Variants in SEMA6D observed in about 807,000 individuals in gnomAD.
SEMA6D encodes semaphorin-6D.
In SEMA6D, 35 loss-of-function variants were observed where a neutral mutation model predicts 106.6. That is an observed-to-expected ratio of 0.33 (90% CI 0.25 to 0.44). The LOEUF (loss-of-function observed/expected upper bound fraction) is 0.44, where lower values mean the gene tolerates loss of function less well. Among genes scored for constraint, SEMA6D ranks in the 20% least tolerant of loss-of-function variants. The probability of loss-of-function intolerance (pLI) is 1.00; values close to 1 mark genes in which losing one functional copy is unlikely to be tolerated. For missense variants in SEMA6D, 1,185 were observed against 1,345.9 expected, an observed-to-expected ratio of 0.88 and a Z score of 1.87; for synonymous variants, 499 against 487.7, an observed-to-expected ratio of 1.02 and a Z score of -0.31.
chr15:47,666,602 A>T (rs2145297972), intron 4 of SEMA6D, among the ~76,000 whole-genome samples: 1 of 152,276 alleles, frequency 6.6e-6, no homozygotes, highest in Admixed American at 6.5e-5. Flanking sequence ...TATACCACTA[A>T]GTGGGTACAC....
At chr15:47,432,034 G>T (rs1245008171) in intron 2 of SEMA6D, among the ~76,000 whole-genome samples, 1 of 152,026 alleles carries the variant, frequency 6.6e-6, no homozygotes, top group African/African-American at 2.4e-5. Flanking sequence ...CTGGGCTGGG[G>T]TGATGTTCCA....
At chr15:47,659,471 T>TA (rs560281934) in intron 4 of SEMA6D, among the ~76,000 whole-genome samples, 3 of 151,758 alleles carry the variant, frequency 2.0e-5, no homozygotes, top group African/African-American at 4.8e-5. Context: ...AATCAAATGT[T>TA]AAAAAAAATT....
In SEMA6D at chr15:47,271,340, G is replaced by A. The variant is rs537113502; in HGVS notation, c.-239+86922G>A. 9.2e-5 allele frequency among the ~76,000 whole-genome samples: 14 copies of A among 152,286 alleles called. No homozygotes were observed. In the South Asian group the frequency reaches 1.5e-3, roughly 16 times the overall value. ...TCCACAAGTCTTATGAGAGCCGTGC[G>A]GAAGGACAGGGCTGGGTCTTACCTG... On this transcript the variant is annotated intron_variant, in intron 1 of 19. Coordinates refer to the SEMA6D transcript ENST00000558014.
intron 2 of SEMA6D, among the ~76,000 whole-genome samples, chr15:47,438,773 T>C (rs2041798188): frequency 6.6e-6 from 1 of 151,856 alleles, no homozygotes; most frequent in Non-Finnish European, 1.5e-5. Context: ...AATTTTCTCC[T>C]TCATTTTATT....
chr15:47,759,334 T>G (rs2081941722), intron 1 of SEMA6D, among the ~76,000 whole-genome samples: 2 of 152,126 alleles, frequency 1.3e-5, no homozygotes, highest in Non-Finnish European at 2.9e-5. Flanking sequence ...TTGAGCGTTT[T>G]ATGCGGGGCA....
intron 1 of SEMA6D, among the ~76,000 whole-genome samples, chr15:47,358,195 C>G (rs374963443): frequency 3.0e-4 from 45 of 151,964 alleles, no homozygotes; most frequent in Non-Finnish European, 8.8e-5. Context: ...GAATGGTGGC[C>G]CCCTCAAGTC....
intron 3 of SEMA6D, among the ~76,000 whole-genome samples, chr15:47,551,115 T>C (rs1463634672): frequency 6.6e-6 from 1 of 152,184 alleles, no homozygotes; most frequent in East Asian, 1.9e-4. Flanking sequence ...CATCTTTTGA[T>C]TGCATTGATT....
intron 4 of SEMA6D, among the ~76,000 whole-genome samples, chr15:47,694,765 C>T (rs2078663981): frequency 2.0e-5 from 3 of 152,128 alleles, no homozygotes; most frequent in African/African-American, 4.8e-5. Context: ...CAGCAGGGCA[C>T]GGAAAGAATA....
At chr15:47,260,788 T>C (rs949629865) in intron 1 of SEMA6D, among the ~76,000 whole-genome samples, 2 of 152,154 alleles carry the variant, frequency 1.3e-5, no homozygotes, top group Non-Finnish European at 2.9e-5. Flanking sequence ...AATAGTGCTT[T>C]CCTTGGACAC....
intron 3 of SEMA6D, among the ~76,000 whole-genome samples, chr15:47,501,906 A>G (rs1474362293): frequency 6.6e-6 from 1 of 150,960 alleles, no homozygotes; most frequent in Non-Finnish European, 1.5e-5. Flanking sequence ...TTACATCATT[A>G]TTTCTCCAGC....
chr15:47,492,025 G>A (rs527472756), intron 3 of SEMA6D, among the ~76,000 whole-genome samples: 1 of 152,266 alleles, frequency 6.6e-6, no homozygotes, highest in African/African-American at 2.4e-5. Flanking sequence ...AGATCCTGCT[G>A]TGAAATTCAA....
At chr15:47,362,074 T>C (rs2038831897) in intron 1 of SEMA6D, among the ~76,000 whole-genome samples, 2 of 152,174 alleles carry the variant, frequency 1.3e-5, no homozygotes, top group South Asian at 4.1e-4. Flanking sequence ...CTTCTCTAAA[T>C]TATTGAAAGT....
At chr15:47,235,320 T>C (rs149416912) in intron 1 of SEMA6D, among the ~76,000 whole-genome samples, 32 of 152,016 alleles carry the variant, frequency 2.1e-4, no homozygotes, top group African/African-American at 7.5e-4. Context: ...TTTTTTATTA[T>C]GTAGCTTTTT....
intron 1 of SEMA6D, among the ~76,000 whole-genome samples, chr15:47,377,173 G>T (rs1356892037): frequency 1.3e-5 from 2 of 152,140 alleles, no homozygotes; most frequent in Admixed American, 1.3e-4. Context: ...TAAAATCTAT[G>T]CAGGATGATA....
At chr15:47,469,300 G>GTA (rs2042759959) in intron 2 of SEMA6D, among the ~76,000 whole-genome samples, 1 of 29,348 alleles carries the variant, frequency 3.4e-5, no homozygotes, top group African/African-American at 4.5e-4. Context: ...TTGCTTTAAG[G>GTA]TGTGTGTGTG....
chr15:47,631,592 G>A (rs1448809032), intron 4 of SEMA6D, among the ~76,000 whole-genome samples: 1 of 151,682 alleles, frequency 6.6e-6, no homozygotes, highest in Middle Eastern at 3.2e-3. Context: ...ATAGGAAGGA[G>A]GGGGAAGATT....
At chr15:47,530,168 A>C (rs1271976136) in intron 3 of SEMA6D, among the ~76,000 whole-genome samples, 1 of 152,254 alleles carries the variant, frequency 6.6e-6, no homozygotes, top group Non-Finnish European at 1.5e-5. Flanking sequence ...ATGGCAGAAC[A>C]GGAGAAGCTA....
At chr15:47,409,132 G>T (rs961339393) in intron 1 of SEMA6D, among the ~76,000 whole-genome samples, 1 of 152,200 alleles carries the variant, frequency 6.6e-6, no homozygotes, top group Admixed American at 6.5e-5. Flanking sequence ...ACACCTCAGA[G>T]CACTTTTGCA....
At chr15:47,615,046 G>T (rs1218639087) in intron 4 of SEMA6D, among the ~76,000 whole-genome samples, 1 of 152,164 alleles carries the variant, frequency 6.6e-6, no homozygotes, top group Non-Finnish European at 1.5e-5. Flanking sequence ...AGCCTGAAAT[G>T]ATTGGAACTC....
Sources: allele counts gnomAD v4.1 joint callset (sites outside exome capture counted in the v4.1 genomes callset), GRCh38; gene constraint gnomAD v4.1.1; transcripts MANE v1.5; gene names NCBI Gene and HGNC (gene_info 2026-07-23, HGNC 2026-07-21).